The following IKZF2 variants were observed in gnomAD, a reference collection of about 807,000 sequenced individuals.
IKZF2 encodes IKAROS family zinc finger 2.
IKZF2 carries 15 observed loss-of-function variants against 49.2 expected under a neutral mutation model. That is an observed-to-expected ratio of 0.30 (90% CI 0.20 to 0.47). The LOEUF is 0.47. IKZF2 is among the 20% of genes least tolerant of loss of function. The probability of loss-of-function intolerance (pLI) is 1.00; values close to 1 mark genes in which losing one functional copy is unlikely to be tolerated. For synonymous variants in IKZF2, 227 were observed against 221.4 expected, an observed-to-expected ratio of 1.03 and a Z score of -0.23; for missense variants, 567 against 664.6, an observed-to-expected ratio of 0.85 and a Z score of 1.61.
At chr2:213,027,538 C>A (rs536506097) in intron 6 of IKZF2, among the ~76,000 whole-genome samples, 1 of 152,092 alleles carries the variant, frequency 6.6e-6, no homozygotes, top group Non-Finnish European at 1.5e-5. Context: ...TTCTCACAAC[C>A]ATTGGCACCC....
upstream of IKZF2, chr2:213,151,725 T>TGCG (rs561944139): frequency 0.014 from 2,115 of 146,002 alleles, 22 homozygotes; most frequent in Middle Eastern, 0.031. Context: ...TGGCGGCGGC[T>TGCG]GCGGCGGCGG....
intron 4 of IKZF2, among the ~76,000 whole-genome samples, chr2:213,061,807 C>A (rs1439681118): frequency 6.6e-6 from 1 of 151,206 alleles, no homozygotes; most frequent in East Asian, 1.9e-4. Flanking sequence ...CCAAAAATGG[C>A]CATAAAAGAG....
intron 4 of IKZF2, among the ~76,000 whole-genome samples, chr2:213,058,634 T>A (rs745472599): frequency 6.6e-6 from 1 of 151,896 alleles, no homozygotes. Flanking sequence ...AAATTGTTAC[T>A]CCCTTACTAG....
chr2:213,056,141 A>G (rs2125377581), intron 5 of IKZF2, among the ~76,000 whole-genome samples: 1 of 152,280 alleles, frequency 6.6e-6, no homozygotes, highest in Admixed American at 6.5e-5. Flanking sequence ...GTTAGTTTTC[A>G]CAAAAAACTT....
chr2:213,096,794 TC>T (rs1156330560), intron 4 of IKZF2, among the ~76,000 whole-genome samples: 2 of 151,984 alleles, frequency 1.3e-5, no homozygotes, highest in Non-Finnish European at 2.9e-5. Flanking sequence ...AAATGAGGTG[TC>T]AATTTAAACT....
In IKZF2 at chr2:213,056,820, T is replaced by C. The variant is rs762580715; in HGVS notation, c.406+13A>G. ...TCACAGGCAGTCATCAGGTTATTCT[T>C]TCAGCTGCTTACCAGTGTGACTCCT... On this transcript the variant is annotated intron_variant, in intron 5 of 8. Coordinates refer to ENST00000434687, the MANE Select transcript of IKZF2 (RefSeq NM_001387220.1). The C allele has an allele frequency of 3.7e-6, 6 of 1,613,550 alleles. No homozygotes were observed. The Admixed American group carries it at 6.7e-5, about 18-fold the overall frequency.
intron 4 of IKZF2, among the ~76,000 whole-genome samples, chr2:213,127,914 G>A (rs1202443495): frequency 6.6e-6 from 1 of 152,068 alleles, no homozygotes; most frequent in Non-Finnish European, 1.5e-5. Flanking sequence ...CCCTTCCTAA[G>A]AGGCTATTAA....
chr2:213,135,175 G>A (rs1242464888), intron 4 of IKZF2, among the ~76,000 whole-genome samples: 1 of 152,096 alleles, frequency 6.6e-6, no homozygotes, highest in Non-Finnish European at 1.5e-5. Context: ...TTTTTTAAAA[G>A]TAAACTTGTT....
At chr2:213,051,378 G>GT (rs1205866579) in intron 5 of IKZF2, among the ~76,000 whole-genome samples, 2 of 151,774 alleles carry the variant, frequency 1.3e-5, no homozygotes, top group Non-Finnish European at 2.9e-5. Flanking sequence ...GGGGGTTAAG[G>GT]TTTTTTCTTA....
At chr2:213,057,125 AT>A (rs1174166211) in intron 4 of IKZF2, 26 bp from the exon 5 acceptor site, 1 of 1,595,288 alleles carries the variant, frequency 6.3e-7, no homozygotes, top group African/African-American at 1.4e-5. Flanking sequence ...AAGAAAATAA[AT>A]TTTAAATACA....
chr2:213,101,049 G>A lies in IKZF2; in HGVS notation c.140-43950C>T, dbSNP rs1706602379. 2.0e-5 allele frequency among the ~76,000 whole-genome samples: 3 copies of A among 151,648 alleles called. No homozygotes were observed. The South Asian group carries it at 6.2e-4, about 31-fold the overall frequency. On this transcript the variant is annotated intron_variant, in intron 4 of 8. Transcript: ENST00000434687. ...AGAGAGAGAAAGAAAGAGAGAGAGA[G>A]AGAAGAGACAACCCTTTGTTGACTA... is the stretch of plus-strand genomic sequence containing the variant.
intron 4 of IKZF2, among the ~76,000 whole-genome samples, chr2:213,085,765 G>A (rs565460416): frequency 2.0e-5 from 3 of 152,256 alleles, no homozygotes; most frequent in East Asian, 3.9e-4. Flanking sequence ...AAGAACTATC[G>A]CATCCTGCTG....
intron 8 of IKZF2, among the ~76,000 whole-genome samples, chr2:213,011,200 C>A (rs1167344469): frequency 2.0e-5 from 3 of 151,686 alleles, no homozygotes; most frequent in Non-Finnish European, 2.9e-5. Context: ...AAAAAAAAAT[C>A]ATTGAAAACA....
chr2:213,108,051 T>C lies in IKZF2; in HGVS notation c.139+39657A>G, dbSNP rs1271083746. On this transcript the variant is annotated intron_variant, in intron 4 of 8. Transcript: ENST00000434687. ...ATAGGAGAATGGGGTCAATGTAAACTTGGGAAAAAAACGATTGAAATTACT... is the reference window on the plus strand; with the variant it reads ...ATAGGAGAATGGGGTCAATGTAAACCTGGGAAAAAAACGATTGAAATTACT... Among the ~76,000 whole-genome samples, 6 of 151,990 alleles carry C rather than the reference T, an allele frequency of 3.9e-5. No individual in the cohort carries two copies. In the South Asian group the frequency reaches 6.2e-4, roughly 16 times the overall value.
intron 4 of IKZF2, among the ~76,000 whole-genome samples, chr2:213,100,119 G>A (rs1706481469): frequency 6.6e-6 from 1 of 152,080 alleles, no homozygotes; most frequent in Admixed American, 6.6e-5. Context: ...TTTCTCAAAT[G>A]AAATATCCTT....
At position 213,128,461 on chromosome 2, in the gene IKZF2, G is replaced by A. The variant is rs532878354; in HGVS notation, c.139+19247C>T. Among the ~76,000 whole-genome samples the A allele has an allele frequency of 4.6e-5, 7 of 152,132 alleles. No homozygotes were observed. In the South Asian group the frequency reaches 8.3e-4, roughly 18 times the overall value. Reference sequence around the variant, plus strand: ...CAATGGAGTGTCAGTAATCCCTTACGGCTTAACCCAAAAGTAGGGTGCACA... The same window carrying A: ...CAATGGAGTGTCAGTAATCCCTTACAGCTTAACCCAAAAGTAGGGTGCACA... On this transcript the variant is annotated intron_variant, in intron 4 of 8. Coordinates refer to ENST00000434687, the MANE Select transcript of IKZF2 (RefSeq NM_001387220.1).
intron 4 of IKZF2, among the ~76,000 whole-genome samples, chr2:213,119,788 A>C (rs551937466): frequency 1.3e-5 from 2 of 152,296 alleles, no homozygotes; most frequent in African/African-American, 2.4e-5. Flanking sequence ...CTGTGTGCAT[A>C]AGGGCATGTG....
intron 6 of IKZF2, among the ~76,000 whole-genome samples, chr2:213,037,596 T>C (rs1401958517): frequency 1.3e-5 from 2 of 152,158 alleles, no homozygotes. Flanking sequence ...CAAGTGTGTG[T>C]TTTAAGAGTC....
intron 4 of IKZF2, among the ~76,000 whole-genome samples, chr2:213,104,224 C>T (rs573110365): frequency 6.7e-6 from 1 of 148,678 alleles, no homozygotes; most frequent in South Asian, 2.1e-4. Context: ...GGTTTTAAAG[C>T]TTAGTGTGTA....
Sources: allele counts gnomAD v4.1 joint callset (sites outside exome capture counted in the v4.1 genomes callset), GRCh38; gene constraint gnomAD v4.1.1; transcripts MANE v1.5; gene names NCBI Gene and HGNC (gene_info 2026-07-23, HGNC 2026-07-21).